PAPPA2: variants seen among roughly 807,000 people sequenced by gnomAD.
The protein encoded by PAPPA2 is pappalysin 2.
A neutral mutation model predicts 176.4 loss-of-function variants in PAPPA2; 86 were observed. The ratio of observed to expected loss-of-function variants is 0.49; its 90% confidence interval spans 0.41 to 0.58. The LOEUF is 0.58. Ranked by LOEUF, PAPPA2 falls within the 20% of genes least tolerant of loss-of-function variation. The pLI is 0.00. For synonymous variants in PAPPA2, 809 were observed against 852.2 expected (o/e 0.95, Z 0.88); for missense variants, 2,073 against 2,256.9 (o/e 0.92, Z 1.65).
chr1:176,465,567 T>G (rs1558385667), intron 1 of PAPPA2, among the ~76,000 whole-genome samples: 1 of 152,196 alleles, frequency 6.6e-6, no homozygotes, highest in African/African-American at 2.4e-5. Context: ...ACTTCAATAT[T>G]TAATACAAAG....
At chr1:176,761,602 G>A (rs1170310712) in intron 14 of PAPPA2, among the ~76,000 whole-genome samples, 1 of 152,158 alleles carries the variant, frequency 6.6e-6, no homozygotes, top group Non-Finnish European at 1.5e-5. Flanking sequence ...CTGCTGAGGA[G>A]CTCCTTGGCT....
At chr1:176,797,819 C>T (rs1256398993) in intron 20 of PAPPA2, among the ~76,000 whole-genome samples, 2 of 152,176 alleles carry the variant, frequency 1.3e-5, no homozygotes, top group South Asian at 4.2e-4. Flanking sequence ...AAATTTCCCT[C>T]CAATTATAAT....
At chr1:176,731,244 A>AT (rs1662125585) in intron 12 of PAPPA2, among the ~76,000 whole-genome samples, 1 of 150,426 alleles carries the variant, frequency 6.6e-6, no homozygotes, top group Admixed American at 6.6e-5. Flanking sequence ...GATGTGTTTC[A>AT]TTTTTTATTT....
intron 10 of PAPPA2, among the ~76,000 whole-genome samples, chr1:176,707,087 C>T (rs1377224374): frequency 6.6e-6 from 1 of 152,166 alleles, no homozygotes; most frequent in Non-Finnish European, 1.5e-5. Context: ...CTGATTAAAG[C>T]TACCATCAAC....
Position 176,594,736 on chromosome 1 carries a change from CTGTA to C in PAPPA2, c.1136_1139del (p.Tyr379TrpfsTer10). 1 of 1,614,244 alleles carries C rather than the reference CTGTA, an allele frequency of 6.2e-7. No individual in the cohort carries two copies. The highest frequency in any genetic ancestry group is 2.2e-5 in the East Asian group (1 of 44,868). On this transcript the variant is annotated frameshift_variant, in exon 3 of 23. Transcript: ENST00000367662. LOFTEE classifies it high-confidence loss of function. ...CACTTACGATGGACGGCACATGGCC[CTGTA>C]TGTGGATGGCACTCAGGTGGCTAGC... is the stretch of plus-strand genomic sequence containing the variant.
At chr1:176,557,533 A>G (rs1478288269) in intron 2 of PAPPA2, among the ~76,000 whole-genome samples, 1 of 152,120 alleles carries the variant, frequency 6.6e-6, no homozygotes, top group African/African-American at 2.4e-5. Flanking sequence ...CCTGTCTTTA[A>G]AGGGATAGAG....
At chr1:176,654,581 A>G (rs1338327532) in intron 3 of PAPPA2, among the ~76,000 whole-genome samples, 2 of 150,168 alleles carry the variant, frequency 1.3e-5, no homozygotes, top group Non-Finnish European at 3.0e-5. Flanking sequence ...TTTTTTCCAT[A>G]TGAATTTTAG....
At chr1:176,491,201 C>T (rs1044655871) in intron 1 of PAPPA2, among the ~76,000 whole-genome samples, 1 of 152,220 alleles carries the variant, frequency 6.6e-6, no homozygotes, top group African/African-American at 2.4e-5. Context: ...TTCAAATATA[C>T]ATGGGTCAGT....
intron 2 of PAPPA2, among the ~76,000 whole-genome samples, chr1:176,584,753 G>A (rs538186574): frequency 1.3e-5 from 2 of 150,966 alleles, no homozygotes; most frequent in Non-Finnish European, 3.0e-5. Context: ...TTATTTTTTT[G>A]AGATGGTGTC....
rs75553684 is a variant in PAPPA2 at position 176,840,094 on chromosome 1, G to A, written c.5203-79G>A. ...ATATCTCTGGAGCTGTATGGATTACGCTGGGATGGGAGGAGTGGCAGAGTC... is the reference window on the plus strand; with the variant it reads ...ATATCTCTGGAGCTGTATGGATTACACTGGGATGGGAGGAGTGGCAGAGTC... On this transcript the variant is annotated intron_variant, in intron 21 of 22. Coordinates refer to ENST00000367662, the MANE Select transcript of PAPPA2 (RefSeq NM_020318.3). The A allele has an allele frequency of 2.7e-3, 3,008 of 1,131,790 alleles. 56 individuals are homozygous for A. In the African/African-American group the frequency reaches 0.039, roughly 15 times the overall value. The allele number at this position is 1,131,790 out of a possible 1,614,324, so 70.1% of individuals were successfully genotyped here. A position where few individuals can be genotyped will look rare whatever the true frequency, so the allele number is the denominator to read the frequency against.
chr1:176,767,549 T>C (rs1018182554), intron 15 of PAPPA2, among the ~76,000 whole-genome samples: 2 of 152,184 alleles, frequency 1.3e-5, no homozygotes, highest in East Asian at 1.9e-4. Flanking sequence ...GGTTTCACCA[T>C]GTCAGCCAGA....
In PAPPA2 at chr1:176,822,458, A is replaced by G. The variant is rs1027844394; in HGVS notation, c.5203-17715A>G. ...GGTTGATAGTGATTTTGGCACCTCAACTCCCACAAATTTGATTGATTTTTG... is the reference window on the plus strand; with the variant it reads ...GGTTGATAGTGATTTTGGCACCTCAGCTCCCACAAATTTGATTGATTTTTG... On this transcript the variant is annotated intron_variant, in intron 21 of 22. Transcript: ENST00000367662. Among the ~76,000 whole-genome samples, 24 of 152,238 alleles carry G rather than the reference A, an allele frequency of 1.6e-4. No homozygotes were observed. In the East Asian group the frequency reaches 2.5e-3, roughly 16 times the overall value.
At chr1:176,672,497 A>T (rs1659066202) in intron 4 of PAPPA2, among the ~76,000 whole-genome samples, 1 of 152,130 alleles carries the variant, frequency 6.6e-6, no homozygotes, top group African/African-American at 2.4e-5. Flanking sequence ...ATCATAGACA[A>T]TATGAGCAAG....
At chr1:176,838,852 G>A (rs12138842) in intron 21 of PAPPA2, among the ~76,000 whole-genome samples, 15,686 of 152,252 alleles carry the variant, frequency 0.1, 991 homozygotes, top group African/African-American at 0.17. Context: ...CTTCTCAGCC[G>A]TTGGCAAACT....
intron 1 of PAPPA2, among the ~76,000 whole-genome samples, chr1:176,540,338 C>T (rs1650301547): frequency 6.6e-6 from 1 of 152,188 alleles, no homozygotes; most frequent in African/African-American, 2.4e-5. Context: ...AACTCCTTGT[C>T]TTTGTTTAAG....
chr1:176,714,413 A>G (rs1476195088), intron 12 of PAPPA2, among the ~76,000 whole-genome samples: 2 of 152,172 alleles, frequency 1.3e-5, no homozygotes, highest in Non-Finnish European at 2.9e-5. Context: ...TGGGAGAAAA[A>G]AAAAAAAGGA....
intron 11 of PAPPA2, 33 bp downstream of exon 11, chr1:176,710,209 G>T (rs752550835): frequency 6.3e-7 from 1 of 1,587,650 alleles, no homozygotes; most frequent in East Asian, 2.2e-5. Flanking sequence ...AGTCGAGCCT[G>T]CGCAAAATTG....
chr1:176,655,479 A>G (rs1657983221), intron 3 of PAPPA2, among the ~76,000 whole-genome samples: 1 of 151,838 alleles, frequency 6.6e-6, no homozygotes, highest in Admixed American at 6.6e-5. Context: ...ATAAATAGGC[A>G]TTTTTCAGAA....
At chr1:176,751,304 C>T (rs1401014437) in intron 14 of PAPPA2, among the ~76,000 whole-genome samples, 1 of 151,452 alleles carries the variant, frequency 6.6e-6, no homozygotes, top group Non-Finnish European at 1.5e-5. Context: ...GTCCAAAACA[C>T]CAAAAGCAAT....
Sources: gnomAD v4.1 joint callset for allele counts (sites outside exome capture counted in the v4.1 genomes callset) on GRCh38, gnomAD v4.1.1 for gene constraint, MANE v1.5 for transcripts, NCBI Gene and HGNC (gene_info 2026-07-23, HGNC 2026-07-21) for gene names.